The following FSTL5 variants were observed in gnomAD, a reference collection of about 807,000 sequenced individuals.
FSTL5 encodes follistatin-related protein 5.
A neutral mutation model predicts 89.1 loss-of-function variants in FSTL5; 62 were observed. That is an observed-to-expected ratio of 0.70 (90% CI 0.57 to 0.86). The LOEUF is 0.86. Among genes scored for constraint, FSTL5 ranks in the 40% least tolerant of loss-of-function variants. FSTL5 has a pLI of 0.00. For missense variants in FSTL5, 1,057 were observed against 1,001.6 expected (o/e 1.06, Z -0.75); for synonymous variants, 383 against 346.2 (o/e 1.11, Z -1.18).
chr4:161,923,032 T>C (rs186667047), intron 3 of FSTL5, among the ~76,000 whole-genome samples: 1 of 151,946 alleles, frequency 6.6e-6, no homozygotes, highest in Non-Finnish European at 1.5e-5. Flanking sequence ...TATATTGTTA[T>C]AACAAATAAC....
At chr4:161,972,553 C>T (rs1578905720) in intron 3 of FSTL5, among the ~76,000 whole-genome samples, 1 of 152,262 alleles carries the variant, frequency 6.6e-6, no homozygotes, top group African/African-American at 2.4e-5. Context: ...CAACAGCCAG[C>T]AAGGAACCAA....
intron 3 of FSTL5, among the ~76,000 whole-genome samples, chr4:161,993,752 G>C (rs1477829544): frequency 6.6e-6 from 1 of 151,864 alleles, no homozygotes; most frequent in African/African-American, 2.4e-5. Flanking sequence ...AGGTTAATAT[G>C]ATAAAAGTAA....
chr4:161,721,138 C>T (rs555132358), intron 6 of FSTL5, among the ~76,000 whole-genome samples: 7 of 151,504 alleles, frequency 4.6e-5, no homozygotes, highest in African/African-American at 9.7e-5. Context: ...ATTAGCCGGG[C>T]GCGGTGGCGG....
chr4:161,726,360 G>A (rs1739416270), intron 6 of FSTL5, among the ~76,000 whole-genome samples: 1 of 150,000 alleles, frequency 6.7e-6, no homozygotes, highest in Non-Finnish European at 1.5e-5. Flanking sequence ...CCGAGTAGCT[G>A]GGACTACTGG....
chr4:161,570,929 C>A (rs905478137), intron 8 of FSTL5, among the ~76,000 whole-genome samples: 3 of 152,028 alleles, frequency 2.0e-5, no homozygotes, highest in Non-Finnish European at 4.4e-5. Flanking sequence ...TCCTGGCCAA[C>A]ATGGTGAAAC....
chr4:161,983,209 T>C (rs547322485), intron 3 of FSTL5, among the ~76,000 whole-genome samples: 14 of 152,174 alleles, frequency 9.2e-5, no homozygotes, highest in Non-Finnish European at 2.1e-4. Flanking sequence ...TAGAAAGTGA[T>C]AGAATAATTT....
intron 3 of FSTL5, among the ~76,000 whole-genome samples, chr4:161,961,325 T>G (rs890623267): frequency 1.3e-5 from 2 of 152,100 alleles, no homozygotes; most frequent in Admixed American, 1.3e-4. Flanking sequence ...TTGCCCAGGC[T>G]GGTCTCCAAC....
chr4:161,669,556 A>C (rs1737024776), intron 6 of FSTL5, among the ~76,000 whole-genome samples: 1 of 152,180 alleles, frequency 6.6e-6, no homozygotes, highest in Non-Finnish European at 1.5e-5. Flanking sequence ...TAAAATTTTA[A>C]ACAAATTGTT....
intron 14 of FSTL5, among the ~76,000 whole-genome samples, chr4:161,457,985 A>G (rs1733422891): frequency 6.6e-6 from 1 of 152,226 alleles, no homozygotes. Context: ...TTTGAAGCCC[A>G]TACCTCAGCT....
chr4:161,572,273 T>C (rs1413722445), intron 8 of FSTL5, among the ~76,000 whole-genome samples: 10 of 139,798 alleles, frequency 7.2e-5, no homozygotes, highest in South Asian at 6.5e-4. Flanking sequence ...GAGCCTGAGA[T>C]TGTGCCACTG....
chr4:162,038,335 G>A (rs576570196), intron 2 of FSTL5, among the ~76,000 whole-genome samples: 1 of 151,890 alleles, frequency 6.6e-6, no homozygotes, highest in African/African-American at 2.4e-5. Context: ...AATGTAAGAT[G>A]GCTAAAAGCT....
At chr4:161,695,874 T>C (rs1416200531) in intron 6 of FSTL5, among the ~76,000 whole-genome samples, 3 of 152,156 alleles carry the variant, frequency 2.0e-5, no homozygotes, top group Non-Finnish European at 2.9e-5. Context: ...TTGTTGGATG[T>C]ATATATTGAG....
chr4:161,647,044 C>G (rs1736177204), intron 7 of FSTL5, among the ~76,000 whole-genome samples: 1 of 152,048 alleles, frequency 6.6e-6, no homozygotes, highest in African/African-American at 2.4e-5. Context: ...GTTGCCTGTG[C>G]TTTTGGTGTC....
intron 2 of FSTL5, chr4:162,043,266 C>T (rs977078525): frequency 1.3e-5 from 2 of 152,100 alleles, no homozygotes; most frequent in African/African-American, 4.8e-5. Context: ...CAAAATATTG[C>T]AGGATCAGTT....
intron 15 of FSTL5, among the ~76,000 whole-genome samples, chr4:161,426,682 C>G (rs1459616473): frequency 2.0e-5 from 3 of 152,266 alleles, no homozygotes; most frequent in South Asian, 2.1e-4. Flanking sequence ...ACCTCTGCCT[C>G]TCGGGTTCAA....
intron 4 of FSTL5, 44 bp from the exon 5 acceptor site, chr4:161,776,118 A>G (rs1741404147): frequency 1.0e-6 from 1 of 974,434 alleles, no homozygotes; most frequent in Admixed American, 3.2e-5. Context: ...ATTATTGAAA[A>G]GAAATAGTTT....
At chr4:161,436,834 C>T (rs1173909007) in intron 15 of FSTL5, among the ~76,000 whole-genome samples, 1 of 152,096 alleles carries the variant, frequency 6.6e-6, no homozygotes, top group African/African-American at 2.4e-5. Flanking sequence ...AGAAAATCTT[C>T]AGCAGTTTTA....
At chr4:161,592,050 C>A (rs560093402) in intron 7 of FSTL5, among the ~76,000 whole-genome samples, 1 of 151,930 alleles carries the variant, frequency 6.6e-6, no homozygotes, top group South Asian at 2.1e-4. Context: ...TGAGACAAAA[C>A]GCTCAAAACA....
chr4:161,682,799 T>A (rs6815952), intron 6 of FSTL5, among the ~76,000 whole-genome samples: 2 of 151,846 alleles, frequency 1.3e-5, no homozygotes, highest in Non-Finnish European at 2.9e-5. Context: ...CAGGCTGGGG[T>A]GCAATGGCAT....
Sources: allele counts gnomAD v4.1 joint callset (sites outside exome capture counted in the v4.1 genomes callset), GRCh38; gene constraint gnomAD v4.1.1; transcripts MANE v1.5; gene names NCBI Gene and HGNC (gene_info 2026-07-23, HGNC 2026-07-21).